Variants in KSR2 observed in about 807,000 individuals in gnomAD.
KSR2 encodes kinase suppressor of ras 2.
A neutral mutation model predicts 107.8 loss-of-function variants in KSR2; 25 were observed. The observed-to-expected ratio is 0.23, with a 90% CI of 0.17 to 0.32. The LOEUF (loss-of-function observed/expected upper bound fraction) is 0.32, where lower values mean the gene tolerates loss of function less well. Among genes scored for constraint, KSR2 ranks in the 10% least tolerant of loss-of-function variants. The probability of loss-of-function intolerance (pLI) is 1.00; values close to 1 mark genes in which losing one functional copy is unlikely to be tolerated. For missense variants in KSR2, 887 were observed against 1,268.9 expected, an observed-to-expected ratio of 0.70 and a Z score of 4.57; for synonymous variants, 480 against 507.0, an observed-to-expected ratio of 0.95 and a Z score of 0.71.
chr12:117,524,908 G>A lies in KSR2; in HGVS notation c.2163C>T (p.Asn721=), dbSNP rs764593853. 21 of 1,613,708 alleles carry A rather than the reference G, an allele frequency of 1.3e-5. No individual in the cohort carries two copies. The highest frequency in any genetic ancestry group is 2.2e-5 in the South Asian group (2 of 91,068). ...TGCAGGCACCCATGAAAAGCACCAC[G>A]TTCTCATGCCGTGTCTGCCTGTAGG... ...VMAYRQTRHE[N]VVLFMGACMS... The change falls in exon 14 of 20, where the codon AAC becomes AAT. Residue 721 remains asparagine (N), a synonymous_variant. Coordinates refer to ENST00000339824, the MANE Select transcript of KSR2 (RefSeq NM_173598.6).
At chr12:117,952,155 T>TCACACACACACACACACA (rs112314585) in intron 1 of KSR2, among the ~76,000 whole-genome samples, 40 of 147,422 alleles carry the variant, frequency 2.7e-4, no homozygotes, top group African/African-American at 9.7e-4. Flanking sequence ...AATGTTCTCA[T>TCACACACACACACACACA]CACACACACA....
intron 14 of KSR2, among the ~76,000 whole-genome samples, chr12:117,502,013 C>T (rs182927699): frequency 6.6e-6 from 1 of 152,316 alleles, no homozygotes; most frequent in East Asian, 1.9e-4. Flanking sequence ...TTCAAAACGG[C>T]CATTGGGAGG....
At chr12:117,700,933 C>A (rs1228116832) in intron 4 of KSR2, among the ~76,000 whole-genome samples, 1 of 152,206 alleles carries the variant, frequency 6.6e-6, no homozygotes, top group Non-Finnish European at 1.5e-5. Context: ...CTATCCATTT[C>A]TCAACATTAC....
At chr12:117,764,782 C>T (rs1252517356) in intron 3 of KSR2, among the ~76,000 whole-genome samples, 2 of 152,204 alleles carry the variant, frequency 1.3e-5, no homozygotes, top group Non-Finnish European at 2.9e-5. Flanking sequence ...GGGCACTCAT[C>T]TAACCTCTCT....
rs560373938 is a variant in KSR2, at chr12:117,768,211, C to T, written c.473-6687G>A. Among the ~76,000 whole-genome samples, 20 of 152,340 alleles carry T rather than the reference C, an allele frequency of 1.3e-4. No homozygotes were observed. In the South Asian group the frequency reaches 2.9e-3, roughly 22 times the overall value. The stretch of plus-strand genomic sequence containing the variant: ...CTCATGCCGAGGAAGGGCTGGCTCT[C>T]CCCATGGACAAATGCAGACAAGTGG... On this transcript the variant is annotated intron_variant, in intron 3 of 19. Coordinates refer to ENST00000339824, the MANE Select transcript of KSR2 (RefSeq NM_173598.6).
At chr12:117,915,694 A>G (rs1895151454) in intron 1 of KSR2, among the ~76,000 whole-genome samples, 1 of 152,230 alleles carries the variant, frequency 6.6e-6, no homozygotes, top group African/African-American at 2.4e-5. Flanking sequence ...GGCTCGAGAT[A>G]TATTCTAAAA....
intron 1 of KSR2, among the ~76,000 whole-genome samples, chr12:117,932,252 A>C (rs1231922185): frequency 2.6e-5 from 4 of 152,128 alleles, no homozygotes; most frequent in African/African-American, 9.7e-5. Flanking sequence ...GTGCCACTGC[A>C]CTCCAGCTTG....
intron 3 of KSR2, among the ~76,000 whole-genome samples, chr12:117,830,265 T>C (rs1342315309): frequency 6.8e-6 from 1 of 147,552 alleles, no homozygotes; most frequent in African/African-American, 2.5e-5. Context: ...TGAGATTCCA[T>C]CTCAAAAATA....
Position 117,539,431 on chromosome 12 carries a change from G to A in KSR2, c.1687+288C>T, listed in dbSNP as rs114489087. ...GGGTTGTAGCTCGCCAAAAGACAGAGTCTCTAAGAGTTCCTGCACCTCTTT... is the reference window on the plus strand; with the variant it reads ...GGGTTGTAGCTCGCCAAAAGACAGAATCTCTAAGAGTTCCTGCACCTCTTT... On this transcript the variant is annotated intron_variant, in intron 10 of 19. Transcript: ENST00000339824. 4.6e-3 allele frequency: 1,717 copies of A among 377,064 alleles called. 24 individuals are homozygous for A. The highest frequency in any genetic ancestry group is 0.033 in the African/African-American group (1,590 of 47,704). The allele number at this position is 377,064 out of a possible 1,614,324, so 23.4% of individuals were successfully genotyped here.
intron 5 of KSR2, among the ~76,000 whole-genome samples, chr12:117,660,651 C>T (rs897284755): frequency 4.6e-5 from 7 of 152,072 alleles, no homozygotes; most frequent in African/African-American, 7.2e-5. Flanking sequence ...CTTTTTGAGG[C>T]CACAATTCAA....
chr12:117,484,333 T>A, intron 16 of KSR2, 83 bp downstream of exon 16: 4 of 1,509,014 alleles, frequency 2.7e-6, no homozygotes, highest in Non-Finnish European at 3.6e-6. Context: ...TGAGTCTAGG[T>A]CACTAAAGCC....
chr12:117,949,740 T>C (rs1211233934), intron 1 of KSR2, among the ~76,000 whole-genome samples: 1 of 151,946 alleles, frequency 6.6e-6, no homozygotes, highest in African/African-American at 2.4e-5. Flanking sequence ...ATCAGAAAAA[T>C]TGGTTGATTT....
In KSR2 at chr12:117,842,601, A is replaced by G. The variant is rs893791581; in HGVS notation, c.472+12827T>C. Among the ~76,000 whole-genome samples the G allele has an allele frequency of 3.9e-5, 6 of 152,186 alleles. No homozygotes were observed. Among genetic ancestry groups the G allele is most frequent in the Non-Finnish European group, 8.8e-5 (6 of 68,024 alleles). On this transcript the variant is annotated intron_variant, in intron 3 of 19. Transcript: ENST00000339824. The surrounding 1 kb of genome is among the most constrained non-coding windows in gnomAD (Gnocchi z 4.2). ...CCTGCCAAGCACAAGTTCAATGTCA[A>G]TTCTGCACCCAATTCTTCTGCCCAG... is the stretch of plus-strand genomic sequence containing the variant.
At chr12:117,836,584 G>C (rs919813386) in intron 3 of KSR2, among the ~76,000 whole-genome samples, 5 of 152,142 alleles carry the variant, frequency 3.3e-5, no homozygotes, top group Non-Finnish European at 7.3e-5. Flanking sequence ...TAGGGAAGAG[G>C]CTGGACCCGT....
intron 3 of KSR2, among the ~76,000 whole-genome samples, chr12:117,806,268 T>C (rs1253052132): frequency 3.9e-5 from 6 of 152,106 alleles, no homozygotes; most frequent in Non-Finnish European, 5.9e-5. Context: ...CCCTGCAAGT[T>C]AGAATTACCC....
At chr12:117,759,259 G>A (rs78108044) in intron 4 of KSR2, among the ~76,000 whole-genome samples, 145 of 152,312 alleles carry the variant, frequency 9.5e-4, no homozygotes, top group Middle Eastern at 3.4e-3. Context: ...GCCAAATTGG[G>A]CCAGGTACCT....
intron 3 of KSR2, among the ~76,000 whole-genome samples, chr12:117,811,127 C>A (rs1253808971): frequency 1.3e-5 from 2 of 152,092 alleles, no homozygotes; most frequent in Non-Finnish European, 2.9e-5. Flanking sequence ...GCAGGCCTGG[C>A]AAATAGAAAG....
At chr12:117,535,604 TTGTGTGTG>T (rs5801239) in intron 10 of KSR2, among the ~76,000 whole-genome samples, 9,655 of 142,238 alleles carry the variant, frequency 0.068, 425 homozygotes, top group African/African-American at 0.12. Flanking sequence ...TTTCCTGGAG[TTGTGTGTG>T]TGTGTGTGTG....
intron 4 of KSR2, among the ~76,000 whole-genome samples, chr12:117,714,892 A>T (rs1156971843): frequency 6.6e-6 from 1 of 152,166 alleles, no homozygotes; most frequent in Non-Finnish European, 1.5e-5. Flanking sequence ...AGCAGTGCCA[A>T]GGTTGAGAAA....
Sources: gnomAD v4.1 joint callset for allele counts (sites outside exome capture counted in the v4.1 genomes callset) on GRCh38, gnomAD v4.1.1 for gene constraint, Gnocchi (gnomAD v3.1) non-coding constraint, MANE v1.5 for transcripts, NCBI Gene and HGNC (gene_info 2026-07-23, HGNC 2026-07-21) for gene names.